Variants in EPHA1 observed in about 807,000 individuals in gnomAD.
The protein encoded by EPHA1 is EPH receptor A1, also known as ephrin type-A receptor 1.
EPHA1 carries 92 observed loss-of-function variants against 110.1 expected under a neutral mutation model. The ratio of observed to expected loss-of-function variants is 0.84; its 90% CI spans 0.71 to 0.99. The LOEUF (loss-of-function observed/expected upper bound fraction) is 0.99. EPHA1 is among the 50% of genes least tolerant of loss of function. The pLI, the probability that EPHA1 is intolerant of heterozygous loss-of-function variation, is 0.00. For missense variants in EPHA1, 1,204 were observed against 1,285.4 expected (o/e 0.94, Z 0.97); for synonymous variants, 500 against 516.1 (o/e 0.97, Z 0.42).
rs190437539 is a variant in EPHA1, at chr7:143,401,343, C to T, written c.413G>A (p.Arg138Gln). 1.3e-4 allele frequency: 209 copies of T among 1,613,916 alleles called. 1 individual carries two copies. In the East Asian group the frequency reaches 3.3e-3, roughly 26 times the overall value. The change falls in exon 3 of 18, where the codon CGA becomes CAA. Residue 138 changes from arginine (R) to glutamine (Q), a missense_variant. Transcript: ENST00000275815. The surrounding 1 kb of genome is among the most constrained non-coding windows in gnomAD (Gnocchi z 4.1). ...CAGCACCTTCTGGAACAAGGGCCGT[C>T]GGAGCTGAATGCCCACATCCTGGTC... ...ESDQDVGIQL[R>Q]RPLFQKVTTV... is the part of the protein sequence containing the mutation.
rs781143121 is a variant in EPHA1 at position 143,399,893 on chromosome 7, C to T, written c.593G>A (p.Arg198Gln). The T allele has an allele frequency of 1.8e-5, 29 of 1,609,904 alleles. No homozygotes were observed. Among genetic ancestry groups the T allele is most frequent in the South Asian group, 1.0e-4 (9 of 90,384 alleles). The change falls in exon 4 of 18, where the codon CGG (arginine) becomes CAG (glutamine). Residue 198 changes from arginine (R) to glutamine (Q), a missense_variant. Physicochemically the swap from Arg to Gln is conservative, Grantham distance 43. Coordinates refer to ENST00000275815, the MANE Select transcript of EPHA1 (RefSeq NM_005232.5). ...CTCAGGACAGCGCTGGTAGAAGACC[C>T]GGACAGACACCAGGGCCACACAGGC... ...PGACVALVSV[R>Q]VFYQRCPETL...
At position 143,393,608 on chromosome 7, in the gene EPHA1, A is replaced by G; in HGVS notation, c.2696+63T>C. ...CCAGCGCTCAAAGAAGATTGGCTGA[A>G]TGCCCATTTCCACTCTCCTAGCGCT... On this transcript the variant is annotated intron_variant, in intron 16 of 17. Transcript: ENST00000275815. This position sits in a 1 kb window ranked among gnomAD's most constrained non-coding sequence, Gnocchi z 5.6. 6.4e-7 allele frequency: 1 copy of G among 1,552,298 alleles called. No homozygotes were observed. Among genetic ancestry groups the G allele is most frequent in the Non-Finnish European group, 8.8e-7 (1 of 1,142,280 alleles).
intron 2 of EPHA1, 95 bp downstream of exon 2, chr7:143,407,516 C>G: frequency 8.1e-7 from 1 of 1,229,698 alleles, no homozygotes. Flanking sequence ...TCCAGTTTTT[C>G]CTGCTCTTTT....
chr7:143,399,305 C>G lies in EPHA1; in HGVS notation c.944G>C (p.Ser315Thr). The G allele has an allele frequency of 6.2e-7, 1 of 1,612,330 alleles. No homozygotes were observed. Among genetic ancestry groups the G allele is most frequent in the Non-Finnish European group, 8.5e-7 (1 of 1,179,894 alleles). Residue 315 changes from serine to threonine, a missense_variant, in exon 5 of 18, where the codon AGC becomes ACC. Physicochemically the swap from Ser to Thr is moderately conservative, Grantham distance 58 (BLOSUM62 1). Transcript: ENST00000275815. ...CTCCCCGGGAGCTCTGTAATGGCCGCTCTCACAGGTACAGATGGTGGCCCC... is the reference window on the plus strand; with the variant it reads ...CTCCCCGGGAGCTCTGTAATGGCCGGTCTCACAGGTACAGATGGTGGCCCC... ...SEGATICTCE[S>T]GHYRAPGEGP...
chr7:143,391,483 A>C lies in EPHA1; in HGVS notation c.2905T>G (p.Cys969Gly), dbSNP rs61732993. ...TLPGHQKRIL[C>G]SIQGFKD is the part of the protein sequence containing the mutation. Reference sequence around the variant, plus strand: ...CAGTCCTTGAATCCCTGAATACTGCAAAGAATGCGCTTCTGGTGCCCGGGC... The same window carrying C: ...CAGTCCTTGAATCCCTGAATACTGCCAAGAATGCGCTTCTGGTGCCCGGGC... The change falls in exon 18 of 18, where the codon TGC becomes GGC. Residue 969 changes from cysteine (C) to glycine (G), a missense_variant. Transcript: ENST00000275815. The C allele has an allele frequency of 9.3e-6, 15 of 1,614,168 alleles. No individual in the cohort carries two copies. The highest frequency in any genetic ancestry group is 1.1e-5 in the Non-Finnish European group (13 of 1,180,024).
chr7:143,401,284 A>T lies in EPHA1; in HGVS notation c.432+40T>A. The T allele has an allele frequency of 6.2e-7, 1 of 1,601,834 alleles. No individual in the cohort carries two copies. The highest frequency in any genetic ancestry group is 8.5e-7 in the Non-Finnish European group (1 of 1,173,966). On this transcript the variant is annotated intron_variant, in intron 3 of 17. Transcript: ENST00000275815. The surrounding 1 kb of genome is among the most constrained non-coding windows in gnomAD (Gnocchi z 4.1). ...GGCACCCAATAAGGAGCCACCAGGGATCTGCACCAGGACCCAGATGGCATG... is the reference window on the plus strand; with the variant it reads ...GGCACCCAATAAGGAGCCACCAGGGTTCTGCACCAGGACCCAGATGGCATG...
chr7:143,394,481 C>T (rs899797906), intron 14 of EPHA1, 138 bp from the exon 15 acceptor site: 57 of 1,122,136 alleles, frequency 5.1e-5, no homozygotes, highest in African/African-American at 2.2e-4. Flanking sequence ...AGTGCAGTGG[C>T]GCAATCTCGG....
chr7:143,403,361 A>T (rs1378192475), intron 2 of EPHA1, among the ~76,000 whole-genome samples: 1 of 152,150 alleles, frequency 6.6e-6, no homozygotes, highest in Non-Finnish European at 1.5e-5. Flanking sequence ...ACAAAGCAAG[A>T]TTCCCTCTCA....
At chr7:143,392,171 C>G (rs998435777) in intron 16 of EPHA1, among the ~76,000 whole-genome samples, 1 of 152,212 alleles carries the variant, frequency 6.6e-6, no homozygotes, top group Non-Finnish European at 1.5e-5. Flanking sequence ...CGTGGTCCTG[C>G]CTTTTTCCAT....
rs1015945340 is a variant in EPHA1 at position 143,392,199 on chromosome 7, C to T, written c.2697-424G>A. ...TTTTCCATAGTGGCTGCTTGAGTTC[C>T]GGGAGCAGTCCTTCCTCACCACCTT... On this transcript the variant is annotated intron_variant, in intron 16 of 17. Transcript: ENST00000275815. Among the ~76,000 whole-genome samples, 6 of 152,310 alleles carry T rather than the reference C, an allele frequency of 3.9e-5. No homozygotes were observed. In the South Asian group the frequency reaches 6.2e-4, roughly 16 times the overall value.
rs1234156393 is a variant in EPHA1 at position 143,399,351 on chromosome 7, G to A, written c.898C>T (p.Gln300Ter). ...DTPHCLTCPQQSTAESEGATI... is the reference protein window; with the variant it reads ...DTPHCLTCPQ ...GCCCCCTCAGACTCAGCAGTGCTCT[G>A]CTGGGGGCACGTGAGACAATGGGGT... The change falls in exon 5 of 18, where the codon CAG (glutamine) becomes TAG (stop). Residue 300 changes from glutamine to a stop codon, truncating the protein, a stop_gained. Transcript: ENST00000275815. LOFTEE classifies it high-confidence loss of function. 2 of 1,612,154 alleles carry A rather than the reference G, an allele frequency of 1.2e-6. No individual in the cohort carries two copies. Among genetic ancestry groups the A allele is most frequent in the Non-Finnish European group, 1.7e-6 (2 of 1,179,342 alleles).
chr7:143,395,382 C>A lies in EPHA1; in HGVS notation c.2020G>T (p.Ala674Ser), dbSNP rs759092209. The change falls in exon 12 of 18, where the codon GCA becomes TCA. Residue 674 changes from alanine to serine, a missense_variant. By Grantham distance (99) the Ala-to-Ser change is moderately conservative. Transcript: ENST00000275815. The surrounding 1 kb of genome is among the most constrained non-coding windows in gnomAD (Gnocchi z 4.7). ...TGGCTAAACTGGCCCATGATAGTTG[C>A]CTCTCGAAGGAAGTTCCACCACTGG... ...GGQWWNFLRE[A>S]TIMGQFSHPH... is the part of the protein sequence containing the mutation. 4 of 1,614,100 alleles carry A rather than the reference C, an allele frequency of 2.5e-6. No homozygotes were observed. The East Asian group carries it at 6.7e-5, about 27-fold the overall frequency.
rs144262121 is a variant in EPHA1 at position 143,394,836 on chromosome 7, T to C, written c.2324A>G (p.Asp775Gly). ...GGTTTCGTATGTGCCATCAAAGTCA[T>C]CCAGGAGGCGAGTCAGGCCAAAGTC... is the stretch of plus-strand genomic sequence containing the variant. Reference protein sequence around the residue: ...VSDFGLTRLLDDFDGTYETQG... With the variant: ...VSDFGLTRLLGDFDGTYETQG... Residue 775 changes from aspartate to glycine, a missense_variant, in exon 14 of 18, where the codon GAT becomes GGT. Asp to Gly is a moderately conservative substitution (Grantham distance 94). Coordinates refer to ENST00000275815, the MANE Select transcript of EPHA1 (RefSeq NM_005232.5). 25 of 1,614,138 alleles carry C rather than the reference T, an allele frequency of 1.5e-5. No individual in the cohort carries two copies. In the African/African-American group the frequency reaches 3.1e-4, roughly 20 times the overall value.
intron 2 of EPHA1, among the ~76,000 whole-genome samples, chr7:143,402,268 C>G (rs1805442881): frequency 2.0e-5 from 3 of 152,116 alleles, no homozygotes; most frequent in Non-Finnish European, 4.4e-5. Context: ...TAAGAACAAG[C>G]ACAGAACTGT....
At position 143,396,484 on chromosome 7, in the gene EPHA1, C is replaced by T. The variant is rs1805254747; in HGVS notation, c.1798G>A (p.Val600Met). 1 of 1,613,934 alleles carries T rather than the reference C, an allele frequency of 6.2e-7. No homozygotes were observed. Among genetic ancestry groups the T allele is most frequent in the African/African-American group, 1.3e-5 (1 of 74,932 alleles). The change falls in exon 11 of 18, where the codon GTG becomes ATG. Residue 600 changes from valine (V) to methionine (M), a missense_variant. By Grantham distance (21) the Val-to-Met change is conservative (BLOSUM62 1). Coordinates refer to ENST00000275815, the MANE Select transcript of EPHA1 (RefSeq NM_005232.5). ...REDKLWLKPY[V>M]DLQAYEDPAQ... ...GGGTCCTCGTATGCCTGGAGGTCCA[C>T]ATAAGGCTTCAGCCACAGCTTGTCC...
chr7:143,398,148 G>A, intron 7 of EPHA1, 78 bp from the exon 8 acceptor site: 1 of 1,592,926 alleles, frequency 6.3e-7, no homozygotes. Context: ...CAGAGCACAT[G>A]GGGAGGGGCT....
chr7:143,407,091 A>G (rs1452643726), intron 2 of EPHA1, among the ~76,000 whole-genome samples: 2 of 152,208 alleles, frequency 1.3e-5, no homozygotes, highest in African/African-American at 4.8e-5. Flanking sequence ...GACCCTTTGA[A>G]GAATTTGATG....
Position 143,393,583 on chromosome 7 carries a change from C to T in EPHA1, c.2696+88G>A, listed in dbSNP as rs1805148707. ...GGACTTGGTCCAGAGCTCCCCAGGC[C>T]CAGCGCTCAAAGAAGATTGGCTGAA... On this transcript the variant is annotated intron_variant, in intron 16 of 17. Coordinates refer to ENST00000275815, the MANE Select transcript of EPHA1 (RefSeq NM_005232.5). This position sits in a 1 kb window ranked among gnomAD's most constrained non-coding sequence, Gnocchi z 5.6. 1 of 1,464,286 alleles carries T rather than the reference C, an allele frequency of 6.8e-7. No individual in the cohort carries two copies. Among genetic ancestry groups the T allele is most frequent in the South Asian group, 1.3e-5 (1 of 75,952 alleles). 90.7% of individuals were successfully genotyped at this position (1,464,286 alleles called of 1,614,324 possible).
rs61732998 is a variant in EPHA1, at chr7:143,391,512, G to T, written c.2876C>A (p.Thr959Lys). 1 of 1,614,200 alleles carries T rather than the reference G, an allele frequency of 6.2e-7. No individual in the cohort carries two copies. Residue 959 changes from threonine to lysine, a missense_variant, in exon 18 of 18, where the codon ACA becomes AAA. Physicochemically the swap from Thr to Lys is moderately conservative, Grantham distance 78. Coordinates refer to ENST00000275815, the MANE Select transcript of EPHA1 (RefSeq NM_005232.5). ...AATGCGCTTCTGGTGCCCGGGCAGT[G>T]TGATTCCCATCTGCGTCAGGTCCCT... ...TAEDLTQMGITLPGHQKRILC... is the reference protein window; with the variant it reads ...TAEDLTQMGIKLPGHQKRILC...
Sources: allele counts gnomAD v4.1 joint callset (sites outside exome capture counted in the v4.1 genomes callset), GRCh38; gene constraint gnomAD v4.1.1; non-coding constraint Gnocchi (gnomAD v3.1); transcripts MANE v1.5; gene names NCBI Gene and HGNC (gene_info 2026-07-23, HGNC 2026-07-21).